The following ARAP2 variants were observed in gnomAD, a reference collection of about 807,000 sequenced individuals.
ARAP2 encodes the protein arf-GAP with Rho-GAP domain, ANK repeat and PH domain-containing protein 2.
In ARAP2, 148 loss-of-function variants were observed where a neutral mutation model predicts 194.5. The observed-to-expected ratio is 0.76, with a 90% CI of 0.67 to 0.87. The LOEUF (loss-of-function observed/expected upper bound fraction) is 0.87, where lower values mean the gene tolerates loss of function less well. Ranked by LOEUF, ARAP2 falls within the 40% of genes least tolerant of loss-of-function variation. The probability of loss-of-function intolerance (pLI) is 0.00; values close to 1 mark genes in which losing one functional copy is unlikely to be tolerated. For synonymous variants in ARAP2, 695 were observed against 683.5 expected, an observed-to-expected ratio of 1.02 and a Z score of -0.26; for missense variants, 2,128 against 1,989.7, an observed-to-expected ratio of 1.07 and a Z score of -1.32.
At chr4:36,115,844 T>C (rs1389504477) in intron 25 of ARAP2, among the ~76,000 whole-genome samples, 1 of 152,018 alleles carries the variant, frequency 6.6e-6, no homozygotes, top group Admixed American at 6.6e-5. Flanking sequence ...TAAAGAGCAT[T>C]TGGAGTTACT....
chr4:36,038,022 C>T (rs1720230289), intron 5 of ARAP2, among the ~76,000 whole-genome samples: 1 of 152,146 alleles, frequency 6.6e-6, no homozygotes, highest in South Asian at 2.1e-4. Flanking sequence ...TTTGTGTCTT[C>T]TCCTTCGGCC....
At chr4:36,215,449 A>AGTTG (rs1447499371) in intron 2 of ARAP2, among the ~76,000 whole-genome samples, 5 of 152,206 alleles carry the variant, frequency 3.3e-5, no homozygotes, top group African/African-American at 1.2e-4. Context: ...CTCAAAGTGG[A>AGTTG]GTTGGGACCC....
At chr4:36,032,681 CTTTTAT>C (rs1337915341) in intron 5 of ARAP2, among the ~76,000 whole-genome samples, 1 of 151,752 alleles carries the variant, frequency 6.6e-6, no homozygotes, top group Non-Finnish European at 1.5e-5. Context: ...TATTTTTTAA[CTTTTAT>C]TTTAAGTTTA....
chr4:36,237,612 TG>T (rs1268212219), intron 1 of ARAP2, among the ~76,000 whole-genome samples: 4 of 152,218 alleles, frequency 2.6e-5, no homozygotes, highest in Non-Finnish European at 5.9e-5. Context: ...GCTTCCCCTT[TG>T]CCTTCCACAA....
At chr4:36,171,385 C>A (rs1736589968) in intron 9 of ARAP2, among the ~76,000 whole-genome samples, 1 of 152,028 alleles carries the variant, frequency 6.6e-6, no homozygotes, top group Non-Finnish European at 1.5e-5. Flanking sequence ...ATGGATGAAA[C>A]TGGAAACCAT....
chr4:36,069,621 A>T (rs1418319435), intron 32 of ARAP2, among the ~76,000 whole-genome samples: 1 of 152,216 alleles, frequency 6.6e-6, no homozygotes, highest in Non-Finnish European at 1.5e-5. Flanking sequence ...TATATATCAG[A>T]GTGACAGTTC....
chr4:36,202,752 A>G lies in ARAP2; in HGVS notation c.1487+7638T>C, dbSNP rs920530917. Among the ~76,000 whole-genome samples the G allele has an allele frequency of 5.3e-5, 8 of 152,216 alleles. 1 individual carries two copies. Among genetic ancestry groups the G allele is most frequent in the Middle Eastern group, 6.8e-3 (2 of 294 alleles). Reference sequence around the variant, plus strand: ...CAGTTAAAAGCTTGCATTTACTTCTACTCCTCCCCAAACCTCACTAAAAGA... The same window carrying G: ...CAGTTAAAAGCTTGCATTTACTTCTGCTCCTCCCCAAACCTCACTAAAAGA... On this transcript the variant is annotated intron_variant, in intron 6 of 32. Coordinates refer to ENST00000303965, the MANE Select transcript of ARAP2 (RefSeq NM_015230.4).
At chr4:36,071,516 CTGGATAAGGTA>C (rs1726884493) in intron 32 of ARAP2, among the ~76,000 whole-genome samples, 1 of 152,082 alleles carries the variant, frequency 6.6e-6, no homozygotes, top group Non-Finnish European at 1.5e-5. Flanking sequence ...CCTTCCCTAC[CTGGATAAGGTA>C]TTCTCATATG....
intron 27 of ARAP2, among the ~76,000 whole-genome samples, chr4:36,101,795 T>A (rs1369143167): frequency 6.6e-6 from 1 of 152,018 alleles, no homozygotes; most frequent in Middle Eastern, 3.2e-3. Flanking sequence ...TCTCTTAATA[T>A]CTAACATGAA....
intron 12 of ARAP2, 69 bp downstream of exon 12, chr4:36,161,396 G>T: frequency 7.5e-7 from 1 of 1,335,202 alleles, no homozygotes; most frequent in Non-Finnish European, 1.1e-6. Flanking sequence ...CAAACCCACA[G>T]CAAACCTCCT....
chr4:36,160,129 T>G, intron 13 of ARAP2: 5 of 999,040 alleles, frequency 5.0e-6, no homozygotes, highest in Non-Finnish European at 6.0e-6. Flanking sequence ...AATAATAAGC[T>G]GCCTCTACAT....
chr4:36,048,943 T>C (rs548679613), intron 3 of ARAP2, among the ~76,000 whole-genome samples: 35 of 152,180 alleles, frequency 2.3e-4, no homozygotes, highest in African/African-American at 8.4e-4. Context: ...CTTGTTGTGG[T>C]TGTGATTTGC....
intron 15 of ARAP2, among the ~76,000 whole-genome samples, chr4:36,152,398 G>A (rs563166511): frequency 3.7e-4 from 57 of 152,034 alleles, no homozygotes; most frequent in Non-Finnish European, 7.2e-4. Context: ...ATAAGAAAAG[G>A]TAAAGTCAAA....
intron 6 of ARAP2, among the ~76,000 whole-genome samples, chr4:36,204,095 A>T (rs1387971139): frequency 6.6e-6 from 1 of 152,206 alleles, no homozygotes; most frequent in Non-Finnish European, 1.5e-5. Context: ...GCAGAAAGGG[A>T]AAATGGAAAA....
intron 15 of ARAP2, among the ~76,000 whole-genome samples, chr4:36,155,763 C>A (rs777290823): frequency 6.6e-6 from 1 of 151,338 alleles, no homozygotes; most frequent in Admixed American, 6.6e-5. Flanking sequence ...CCCAGGTTCA[C>A]GTCATTCTCC....
At chr4:36,096,624 A>T (rs997199344) in intron 27 of ARAP2, among the ~76,000 whole-genome samples, 1 of 152,096 alleles carries the variant, frequency 6.6e-6, no homozygotes, top group African/African-American at 2.4e-5. Flanking sequence ...AACAAACCCA[A>T]TAGTTTTCAT....
intron 9 of ARAP2, among the ~76,000 whole-genome samples, chr4:36,168,735 C>G (rs1367459297): frequency 1.3e-5 from 2 of 152,022 alleles, no homozygotes; most frequent in Non-Finnish European, 2.9e-5. Context: ...CTAGGAGAAA[C>G]TAGCCAGAAA....
At chr4:36,156,544 CCT>C (rs934567101) in intron 15 of ARAP2, among the ~76,000 whole-genome samples, 6 of 151,710 alleles carry the variant, frequency 4.0e-5, no homozygotes, top group African/African-American at 1.5e-4. Context: ...CAAAGATAAG[CCT>C]CTTTTTTGGA....
chr4:36,199,681 T>G (rs987834613), intron 6 of ARAP2, among the ~76,000 whole-genome samples: 2 of 152,358 alleles, frequency 1.3e-5, no homozygotes, highest in African/African-American at 2.4e-5. Flanking sequence ...TGAGTGTATT[T>G]TTTTTAGATT....
Sources: gnomAD v4.1 joint callset for allele counts (sites outside exome capture counted in the v4.1 genomes callset) on GRCh38, gnomAD v4.1.1 for gene constraint, MANE v1.5 for transcripts, NCBI Gene and HGNC (gene_info 2026-07-23, HGNC 2026-07-21) for gene names.